Variants in MAGI1 observed in about 807,000 individuals in gnomAD.
MAGI1 encodes the protein membrane associated guanylate kinase, WW and PDZ domain containing 1, also known as membrane-associated guanylate kinase, WW and PDZ domain-containing protein 1.
MAGI1 carries 58 observed loss-of-function variants against 139.9 expected under a neutral mutation model. The observed-to-expected ratio is 0.41, with a 90% CI of 0.34 to 0.52. MAGI1 has a LOEUF of 0.52. Among genes scored for constraint, MAGI1 ranks in the 20% least tolerant of loss-of-function variants. The pLI is 0.12. For missense variants in MAGI1, 1,874 were observed against 1,901.6 expected (o/e 0.99, Z 0.27); for synonymous variants, 812 against 737.9 (o/e 1.10, Z -1.63).
At chr3:65,429,408 T>G (rs1947316073) in intron 12 of MAGI1, 112 bp downstream of exon 12, 1 of 1,165,826 alleles carries the variant, frequency 8.6e-7, no homozygotes, top group Non-Finnish European at 1.2e-6. Context: ...GTAGGCATTT[T>G]GAAACATTTA....
rs183985756 is a variant in MAGI1, at chr3:66,012,977, G to A, written c.313+25019C>T. Among the ~76,000 whole-genome samples the A allele has an allele frequency of 5.9e-5, 9 of 152,214 alleles. No homozygotes were observed. The East Asian group carries it at 1.5e-3, about 26-fold the overall frequency. On this transcript the variant is annotated intron_variant, in intron 1 of 22. Coordinates refer to ENST00000402939, the MANE Select transcript of MAGI1 (RefSeq NM_001033057.2). ...TAGCCAACTCTGAAGCCCACTCTAGGTCAATAGTTTGCATGTAGCTCATTT... is the reference window on the plus strand; with the variant it reads ...TAGCCAACTCTGAAGCCCACTCTAGATCAATAGTTTGCATGTAGCTCATTT...
intron 1 of MAGI1, among the ~76,000 whole-genome samples, chr3:65,867,047 AGCAT>A (rs1321218385): frequency 1.3e-5 from 2 of 152,338 alleles, no homozygotes; most frequent in Admixed American, 1.3e-4. Context: ...AGGGTCCATG[AGCAT>A]GCCCTTGGGG....
At chr3:65,938,508 C>T (rs983942016) in intron 1 of MAGI1, among the ~76,000 whole-genome samples, 8 of 151,716 alleles carry the variant, frequency 5.3e-5, no homozygotes, top group Admixed American at 4.6e-4. Flanking sequence ...TCTGAATGTC[C>T]CCTCCATCTT....
chr3:65,755,636 G>T (rs145974811), intron 1 of MAGI1, among the ~76,000 whole-genome samples: 286 of 152,162 alleles, frequency 1.9e-3, no homozygotes, highest in African/African-American at 6.3e-3. Flanking sequence ...GAGACCCAAG[G>T]TTACAACTAT....
intron 1 of MAGI1, among the ~76,000 whole-genome samples, chr3:65,755,228 G>T (rs1308973856): frequency 6.6e-6 from 1 of 152,250 alleles, no homozygotes; most frequent in East Asian, 1.9e-4. Context: ...GATTACAGGT[G>T]TGAGCCACCG....
intron 1 of MAGI1, among the ~76,000 whole-genome samples, chr3:65,859,324 G>C (rs977713214): frequency 2.0e-5 from 3 of 151,830 alleles, no homozygotes; most frequent in African/African-American, 7.3e-5. Context: ...TTTATGGGAG[G>C]CCATTGTTTT....
intron 8 of MAGI1, among the ~76,000 whole-genome samples, chr3:65,441,310 G>T (rs1575757675): frequency 6.6e-6 from 1 of 152,148 alleles, no homozygotes; most frequent in South Asian, 2.1e-4. Context: ...TAGGAGCATA[G>T]TATTGTGATT....
intron 12 of MAGI1, among the ~76,000 whole-genome samples, chr3:65,427,896 C>T (rs1947173749): frequency 6.6e-6 from 1 of 152,196 alleles, no homozygotes; most frequent in South Asian, 2.1e-4. Context: ...CTACATACAT[C>T]TTGGCTACTG....
At chr3:65,505,991 T>C (rs904131269) in intron 2 of MAGI1, among the ~76,000 whole-genome samples, 31 of 152,200 alleles carry the variant, frequency 2.0e-4, no homozygotes, top group South Asian at 1.7e-3. Context: ...CTGCTTTCAT[T>C]AGTCCTCCCA....
At chr3:65,850,040 T>C (rs1216242016) in intron 1 of MAGI1, among the ~76,000 whole-genome samples, 3 of 152,242 alleles carry the variant, frequency 2.0e-5, no homozygotes, top group Admixed American at 2.0e-4. Flanking sequence ...TATACTATTA[T>C]GATCTAGGGT....
chr3:66,030,977 T>C (rs1273933402), intron 1 of MAGI1, among the ~76,000 whole-genome samples: 1 of 152,092 alleles, frequency 6.6e-6, no homozygotes, highest in Non-Finnish European at 1.5e-5. Flanking sequence ...GAAAGCAGAG[T>C]CAATATGATA....
chr3:65,688,391 A>C lies in MAGI1; in HGVS notation c.314-66303T>G, dbSNP rs953428679. 2.5e-5 allele frequency: 14 copies of C among 567,154 alleles called. 1 individual carries two copies. The highest frequency in any genetic ancestry group is 4.8e-5 in the Non-Finnish European group (14 of 292,042). 35.1% of individuals were successfully genotyped at this position (567,154 alleles called of 1,614,324 possible). A position where few individuals can be genotyped will look rare whatever the true frequency, so the allele number is the denominator to read the frequency against. ...AGGCTTACAGTAGTCATTAGAGAAA[A>C]AGGAAAGGGAGGAAGAAGAGAAGAC... On this transcript the variant is annotated intron_variant, in intron 1 of 22. Coordinates refer to ENST00000402939, the MANE Select transcript of MAGI1 (RefSeq NM_001033057.2).
chr3:65,785,045 T>G (rs939366298), intron 1 of MAGI1, among the ~76,000 whole-genome samples: 3 of 152,194 alleles, frequency 2.0e-5, no homozygotes, highest in Non-Finnish European at 4.4e-5. Context: ...ATACTGATAG[T>G]CGCACACGCT....
At chr3:65,979,088 T>TCCCCCCCCCC (rs200894076) in intron 1 of MAGI1, among the ~76,000 whole-genome samples, 106 of 52,980 alleles carry the variant, frequency 2.0e-3, no homozygotes, top group Non-Finnish European at 2.5e-3. Flanking sequence ...TTTCTTTTCT[T>TCCCCCCCCCC]CCCCCCCCCC....
At chr3:65,993,385 G>C (rs747289248) in intron 1 of MAGI1, among the ~76,000 whole-genome samples, 1 of 152,136 alleles carries the variant, frequency 6.6e-6, no homozygotes, top group Non-Finnish European at 1.5e-5. Context: ...GCTAGAGATG[G>C]GTGATTTGCA....
At chr3:65,866,295 C>T (rs1350081084) in intron 1 of MAGI1, among the ~76,000 whole-genome samples, 1 of 148,768 alleles carries the variant, frequency 6.7e-6, no homozygotes, top group Admixed American at 6.8e-5. Flanking sequence ...CTCACTGCAT[C>T]CTCAACCTCC....
At chr3:65,632,734 G>T (rs757725588) in intron 1 of MAGI1, among the ~76,000 whole-genome samples, 2 of 152,208 alleles carry the variant, frequency 1.3e-5, no homozygotes, top group Non-Finnish European at 2.9e-5. Flanking sequence ...ACATGAAGTT[G>T]TTTTTCAGTG....
rs1304397480 is a variant in MAGI1 at position 65,926,577 on chromosome 3, GC to G, written c.313+111418del. Among the ~76,000 whole-genome samples the G allele has an allele frequency of 1.1e-4, 16 of 152,194 alleles. 1 individual carries two copies. Among genetic ancestry groups the G allele is most frequent in the Admixed American group, 1.0e-3 (16 of 15,276 alleles). ...TGATAAAATAGGCTGCAGTAAAGAA[GC>G]CAGCCAAAACCTACCAAAACCAAGA... On this transcript the variant is annotated intron_variant, in intron 1 of 22. Transcript: ENST00000402939.
chr3:65,874,203 T>G (rs565102687), intron 1 of MAGI1: 3 of 152,178 alleles, frequency 2.0e-5, no homozygotes, highest in African/African-American at 7.2e-5. Context: ...GGAAGATCAT[T>G]TGGACCCAGG....
Sources: gnomAD v4.1 joint callset for allele counts (sites outside exome capture counted in the v4.1 genomes callset) on GRCh38, gnomAD v4.1.1 for gene constraint, MANE v1.5 for transcripts, NCBI Gene and HGNC (gene_info 2026-07-23, HGNC 2026-07-21) for gene names.